TMEM232: variants seen among roughly 807,000 people sequenced by gnomAD.
TMEM232 encodes transmembrane protein 232.
In TMEM232, 80 loss-of-function variants were observed where a neutral mutation model predicts 78.8. The observed-to-expected ratio is 1.01, with a 90% CI of 0.85 to 1.22. The LOEUF (loss-of-function observed/expected upper bound fraction) is 1.22, where lower values mean the gene tolerates loss of function less well. TMEM232 is among the 50% of genes most tolerant of loss of function. TMEM232 has a pLI of 0.00. For missense variants in TMEM232, 881 were observed against 742.2 expected, an observed-to-expected ratio of 1.19 and a Z score of -2.17; for synonymous variants, 297 against 254.3, an observed-to-expected ratio of 1.17 and a Z score of -1.60.
At chr5:110,440,750 A>G (rs1561497605) in intron 12 of TMEM232, among the ~76,000 whole-genome samples, 1 of 152,126 alleles carries the variant, frequency 6.6e-6, no homozygotes, top group African/African-American at 2.4e-5. Context: ...TATTGAGGCA[A>G]CCTACGCACT....
intron 12 of TMEM232, among the ~76,000 whole-genome samples, chr5:110,506,631 A>G (rs1379675697): frequency 1.3e-5 from 2 of 152,148 alleles, no homozygotes; most frequent in Non-Finnish European, 2.9e-5. Flanking sequence ...TCATGCTGTA[A>G]CATATAGCTA....
At chr5:110,707,196 T>C (rs1048562095) in intron 1 of TMEM232, among the ~76,000 whole-genome samples, 6 of 152,090 alleles carry the variant, frequency 3.9e-5, no homozygotes, top group Non-Finnish European at 7.4e-5. Context: ...AAAAATCAGA[T>C]GAACAATTAC....
At chr5:110,645,620 T>C (rs1329170264) in intron 2 of TMEM232, among the ~76,000 whole-genome samples, 1 of 151,614 alleles carries the variant, frequency 6.6e-6, no homozygotes, top group Non-Finnish European at 1.5e-5. Context: ...AATATCATAA[T>C]TAATGAAAGA....
intron 11 of TMEM232, among the ~76,000 whole-genome samples, chr5:110,546,207 T>TA (rs966511080): frequency 2.6e-5 from 4 of 151,874 alleles, no homozygotes; most frequent in East Asian, 1.9e-4. Context: ...TTATCATGGA[T>TA]AAAAAAACAT....
chr5:110,511,833 G>C (rs957935221), intron 12 of TMEM232, among the ~76,000 whole-genome samples: 4 of 152,040 alleles, frequency 2.6e-5, no homozygotes, highest in African/African-American at 9.7e-5. Flanking sequence ...GCTTATTGCG[G>C]TTCCTAAGAT....
chr5:110,623,539 C>T (rs1158975963), intron 7 of TMEM232, among the ~76,000 whole-genome samples: 1 of 151,854 alleles, frequency 6.6e-6, no homozygotes, highest in East Asian at 1.9e-4. Flanking sequence ...TGTCTTTTTT[C>T]CTCTTTCCTT....
At chr5:110,673,307 G>A (rs148723209) in intron 1 of TMEM232, among the ~76,000 whole-genome samples, 3,057 of 151,424 alleles carry the variant, frequency 0.02, 33 homozygotes, top group Admixed American at 0.023. Flanking sequence ...CTGTTGTGGG[G>A]TGGCGGGAGG....
chr5:110,542,871 A>G (rs1773331258), intron 11 of TMEM232, among the ~76,000 whole-genome samples: 1 of 152,128 alleles, frequency 6.6e-6, no homozygotes, highest in South Asian at 2.1e-4. Flanking sequence ...ACAACCAATC[A>G]GACTGATCGT....
intron 2 of TMEM232, among the ~76,000 whole-genome samples, chr5:110,410,489 G>T (rs894802565): frequency 6.6e-6 from 1 of 152,078 alleles, no homozygotes; most frequent in Admixed American, 6.6e-5. Context: ...CCTAAGAACT[G>T]ATATAATATT....
At chr5:110,480,351 T>TCTTTTGAACAA (rs1379257170) in intron 12 of TMEM232, among the ~76,000 whole-genome samples, 1 of 152,004 alleles carries the variant, frequency 6.6e-6, no homozygotes, top group African/African-American at 2.4e-5. Flanking sequence ...CAAATGTCAG[T>TCTTTTGAACAA]CTTTTGAACA....
At chr5:110,405,591 T>A (rs1404348521) in intron 2 of TMEM232, among the ~76,000 whole-genome samples, 3 of 151,496 alleles carry the variant, frequency 2.0e-5, no homozygotes, top group African/African-American at 4.8e-5. Flanking sequence ...ATAAAAAAAA[T>A]TGATTAAAAT....
chr5:110,639,159 C>A (rs1786319473), intron 4 of TMEM232, among the ~76,000 whole-genome samples: 1 of 152,078 alleles, frequency 6.6e-6, no homozygotes, highest in Non-Finnish European at 1.5e-5. Context: ...CAGGAGCCAG[C>A]ACATGCAGAG....
intron 12 of TMEM232, among the ~76,000 whole-genome samples, chr5:110,507,675 G>A (rs185368406): frequency 7.9e-5 from 12 of 152,270 alleles, no homozygotes; most frequent in African/African-American, 2.2e-4. Context: ...GAAGTTGTCC[G>A]AGTGCCAAGT....
intron 12 of TMEM232, among the ~76,000 whole-genome samples, chr5:110,521,923 G>A (rs540204724): frequency 6.6e-6 from 1 of 152,176 alleles, no homozygotes; most frequent in Admixed American, 6.5e-5. Context: ...TCCTTCTCAA[G>A]ATTGATTTGG....
chr5:110,536,686 A>G (rs1292814310), intron 11 of TMEM232, among the ~76,000 whole-genome samples: 3 of 152,180 alleles, frequency 2.0e-5, no homozygotes, highest in Non-Finnish European at 2.9e-5. Context: ...GAACCCACCT[A>G]GCTATGCAAA....
rs1422903624 is a variant in TMEM232 at position 110,620,621 on chromosome 5, CT to C, written c.769-2060del. 2.7e-3 allele frequency among the ~76,000 whole-genome samples: 319 copies of C among 117,022 alleles called. 4 individuals are homozygous for C. The highest frequency in any genetic ancestry group is 9.2e-3 in the African/African-American group (239 of 26,004). The allele number at this position is 117,022 out of a possible 152,430, so 76.8% of individuals were successfully genotyped here. On this transcript the variant is annotated intron_variant, in intron 7 of 13. Coordinates refer to ENST00000455884, the MANE Select transcript of TMEM232 (RefSeq NM_001039763.4). ...TCTCTCTCTCTCTCTCTCTCTCTCT[CT>C]CTCTCTCTCTCTCTCTCCTCTCTCC...
chr5:110,618,194 A>T (rs1783178847), intron 8 of TMEM232, among the ~76,000 whole-genome samples: 1 of 152,184 alleles, frequency 6.6e-6, no homozygotes, highest in Admixed American at 6.6e-5. Flanking sequence ...TTAATAAAAA[A>T]AAAACTATGC....
At chr5:110,674,676 A>G (rs934268594) in intron 1 of TMEM232, among the ~76,000 whole-genome samples, 1 of 152,248 alleles carries the variant, frequency 6.6e-6, no homozygotes, top group African/African-American at 2.4e-5. Flanking sequence ...CTAAAAAGAC[A>G]TAGTTAATTG....
At chr5:110,651,539 A>T (rs1442396310) in intron 2 of TMEM232, among the ~76,000 whole-genome samples, 1 of 152,084 alleles carries the variant, frequency 6.6e-6, no homozygotes, top group Admixed American at 6.6e-5. Flanking sequence ...GCTGGGGACT[A>T]GTTCTCTCAG....
Sources: gnomAD v4.1 joint callset for allele counts (sites outside exome capture counted in the v4.1 genomes callset) on GRCh38, gnomAD v4.1.1 for gene constraint, MANE v1.5 for transcripts, NCBI Gene and HGNC (gene_info 2026-07-23, HGNC 2026-07-21) for gene names.